Variants in ACER1 observed in about 807,000 individuals in gnomAD.
ACER1 encodes the protein alkaline ceramidase 1.
A neutral mutation model predicts 24.9 loss-of-function variants in ACER1; 28 were observed. The ratio of observed to expected loss-of-function variants is 1.13; its 90% CI spans 0.83 to 1.54. The LOEUF (loss-of-function observed/expected upper bound fraction) is 1.54, where lower values mean the gene tolerates loss of function less well. Among genes scored for constraint, ACER1 ranks in the 40% most tolerant of loss-of-function variants. The pLI, the probability that ACER1 is intolerant of heterozygous loss-of-function variation, is 0.00. For synonymous variants in ACER1, 132 were observed against 131.4 expected, an observed-to-expected ratio of 1.00 and a Z score of -0.03; for missense variants, 352 against 349.3, an observed-to-expected ratio of 1.01 and a Z score of -0.06.
At chr19:6,355,822 C>T in the ACER1 span, among the ~76,000 whole-genome samples, 1 of 148,200 alleles carries the variant, frequency 6.7e-6, no homozygotes, top group South Asian at 2.1e-4. Flanking sequence ...CCCGCCCGGC[C>T]AGCCGCTCCA....
At chr19:6,328,965 G>A (rs2091674871) in intron 1 of ACER1, among the ~76,000 whole-genome samples, 2 of 151,764 alleles carry the variant, frequency 1.3e-5, no homozygotes, top group Non-Finnish European at 2.9e-5. Context: ...GTGAGCCACT[G>A]TGCCCAGCAC....
chr19:6,352,841 T>C, the ACER1 span, among the ~76,000 whole-genome samples: 1,298 of 152,298 alleles, frequency 8.5e-3, 18 homozygotes, highest in African/African-American at 0.03. Flanking sequence ...TTTCCTAATT[T>C]TCAATTTCTA....
At chr19:6,336,596 G>A (rs1294871577), upstream of ACER1, among the ~76,000 whole-genome samples, 2 of 152,054 alleles carry the variant, frequency 1.3e-5, no homozygotes, top group Admixed American at 6.6e-5. Flanking sequence ...CAAGGCAGGC[G>A]GATCACGAGG....
chr19:6,336,223 G>T (rs776618774), upstream of ACER1, among the ~76,000 whole-genome samples: 6 of 151,854 alleles, frequency 4.0e-5, no homozygotes, highest in Admixed American at 2.0e-4. Context: ...TTGAGACAGG[G>T]TCTTGCTCTG....
At chr19:6,347,868 C>T in the ACER1 span, among the ~76,000 whole-genome samples, 6 of 151,618 alleles carry the variant, frequency 4.0e-5, no homozygotes, top group African/African-American at 1.2e-4. Context: ...AGGGCAGGTC[C>T]TTGTCCTCCA....
At chr19:6,347,451 C>T in the ACER1 span, among the ~76,000 whole-genome samples, 1 of 151,942 alleles carries the variant, frequency 6.6e-6, no homozygotes, top group Admixed American at 6.6e-5. Context: ...AACTCTTGGG[C>T]TTAGGTGATC....
At chr19:6,337,233 A>G (rs536120219), upstream of ACER1, among the ~76,000 whole-genome samples, 12 of 152,112 alleles carry the variant, frequency 7.9e-5, no homozygotes, top group South Asian at 2.1e-3. Flanking sequence ...TCAATTTCCA[A>G]TATTTGGAGA....
upstream of ACER1, among the ~76,000 whole-genome samples, chr19:6,337,715 G>A (rs1253972708): frequency 1.2e-4 from 12 of 97,134 alleles, no homozygotes; most frequent in South Asian, 3.7e-4. Context: ...TTGCTCTGTC[G>A]CCCAGGCTGG....
chr19:6,338,865 G>A, the ACER1 span, among the ~76,000 whole-genome samples: 7,526 of 151,392 alleles, frequency 0.05, 276 homozygotes, highest in African/African-American at 0.11. Context: ...GTGAGCCACC[G>A]CACCTGGCCT....
Position 6,332,390 on chromosome 19 carries a change from C to A in ACER1, c.93+1069G>T, listed in dbSNP as rs1335138452. On this transcript the variant is annotated intron_variant, in intron 1 of 5. Coordinates refer to ENST00000301452, the MANE Select transcript of ACER1 (RefSeq NM_133492.3). ...GGTTCAAGAAATCCTCCCCCCTCAG[C>A]CTCCCAAGTAGCTGGAACTACAAGC... is the stretch of plus-strand genomic sequence containing the variant. Among the ~76,000 whole-genome samples, 3 of 151,158 alleles carry A rather than the reference C, an allele frequency of 2.0e-5. No individual in the cohort carries two copies. In the East Asian group the frequency reaches 5.8e-4, roughly 29 times the overall value.
chr19:6,306,577 C>T lies in ACER1; in HGVS notation c.*137G>A, dbSNP rs537799705. The T allele has an allele frequency of 2.0e-5, 21 of 1,068,758 alleles. No homozygotes were observed. The African/African-American group carries it at 3.2e-4, about 16-fold the overall frequency. 66.2% of individuals were successfully genotyped at this position (1,068,758 alleles called of 1,614,324 possible). A position where few individuals can be genotyped will look rare whatever the true frequency, so the allele number is the denominator to read the frequency against. ...TCATCTGCCTCAAGGCAGGGCAGCGCAGGACAAGGAGGACACGGAAGGGGA... is the reference window on the plus strand; with the variant it reads ...TCATCTGCCTCAAGGCAGGGCAGCGTAGGACAAGGAGGACACGGAAGGGGA... On this transcript the variant is annotated 3_prime_UTR_variant, in exon 6 of 6. Coordinates refer to ENST00000301452, the MANE Select transcript of ACER1 (RefSeq NM_133492.3).
At chr19:6,346,134 A>G in the ACER1 span, among the ~76,000 whole-genome samples, 3 of 152,140 alleles carry the variant, frequency 2.0e-5, no homozygotes, top group South Asian at 2.1e-4. Flanking sequence ...TTAACGATGG[A>G]TAAGTTTTTG....
chr19:6,334,547 A>T (rs1461510559), upstream of ACER1, among the ~76,000 whole-genome samples: 2 of 151,412 alleles, frequency 1.3e-5, no homozygotes, highest in East Asian at 3.9e-4. Context: ...GGATTTCACC[A>T]TGTTGGTCAA....
chr19:6,356,134 T>C, the ACER1 span, among the ~76,000 whole-genome samples: 1 of 150,846 alleles, frequency 6.6e-6, no homozygotes, highest in Non-Finnish European at 1.5e-5. Context: ...CTAAGAAAAA[T>C]TCTTCTGCCT....
intron 1 of ACER1, among the ~76,000 whole-genome samples, chr19:6,329,979 T>C (rs1400949835): frequency 6.6e-6 from 1 of 151,406 alleles, no homozygotes; most frequent in Non-Finnish European, 1.5e-5. Flanking sequence ...CACATAATTC[T>C]CCTGCCTCAG....
At chr19:6,350,298 T>C in the ACER1 span, among the ~76,000 whole-genome samples, 9,077 of 151,866 alleles carry the variant, frequency 0.06, 396 homozygotes, top group African/African-American at 0.12. Context: ...AAACCCCGTC[T>C]CAACTAAAAA....
chr19:6,347,844 A>G, the ACER1 span, among the ~76,000 whole-genome samples: 1 of 151,628 alleles, frequency 6.6e-6, no homozygotes, highest in Non-Finnish European at 1.5e-5. Context: ...AACAACAACA[A>G]CAAATAAGTT....
the ACER1 span, among the ~76,000 whole-genome samples, chr19:6,351,916 C>T: frequency 1.3e-5 from 2 of 151,444 alleles, no homozygotes; most frequent in Non-Finnish European, 2.9e-5. Context: ...ATTAGCCGGG[C>T]TTGGTGGTGG....
the ACER1 span, among the ~76,000 whole-genome samples, chr19:6,340,255 T>TG: frequency 1 from 135,723 of 135,914 alleles, 67,766 homozygotes; most frequent in Middle Eastern, 1. Flanking sequence ...CACTCCAGCC[T>TG]GGGCATAGAG....
Sources: allele counts gnomAD v4.1 joint callset (sites outside exome capture counted in the v4.1 genomes callset), GRCh38; gene constraint gnomAD v4.1.1; transcripts MANE v1.5; gene names NCBI Gene and HGNC (gene_info 2026-07-23, HGNC 2026-07-21).